ARHGEF3: variants seen among roughly 807,000 people sequenced by gnomAD.
ARHGEF3 encodes the protein 59.8 kDA protein.
In ARHGEF3, 28 loss-of-function variants were observed where a neutral mutation model predicts 63.2. The observed-to-expected ratio is 0.44, with a 90% CI of 0.33 to 0.61. ARHGEF3 has a LOEUF of 0.61. Among genes scored for constraint, ARHGEF3 ranks in the 20% least tolerant of loss-of-function variants. The probability of loss-of-function intolerance (pLI) is 0.03; values close to 1 mark genes in which losing one functional copy is unlikely to be tolerated. For synonymous variants in ARHGEF3, 266 were observed against 254.2 expected (o/e 1.05, Z -0.44); for missense variants, 533 against 659.3 (o/e 0.81, Z 2.10).
At chr3:56,984,511 A>C (rs1375295160) in intron 2 of ARHGEF3, among the ~76,000 whole-genome samples, 1 of 152,174 alleles carries the variant, frequency 6.6e-6, no homozygotes, top group Non-Finnish European at 1.5e-5. Context: ...TGAGGCAATG[A>C]TTATATTAAA....
At chr3:56,819,997 A>G (rs764757720) in intron 4 of ARHGEF3, among the ~76,000 whole-genome samples, 2 of 151,944 alleles carry the variant, frequency 1.3e-5, no homozygotes, top group African/African-American at 4.8e-5. Flanking sequence ...TTTTGTAGAC[A>G]TGGGGTTTCA....
intron 2 of ARHGEF3, among the ~76,000 whole-genome samples, chr3:56,967,151 C>A (rs1700534785): frequency 6.8e-6 from 1 of 146,988 alleles, no homozygotes; most frequent in South Asian, 2.1e-4. Context: ...GCATGAGCCA[C>A]CGCGCCCAGC....
At chr3:56,735,438 GA>G (rs1483143784) in intron 8 of ARHGEF3, among the ~76,000 whole-genome samples, 2 of 149,886 alleles carry the variant, frequency 1.3e-5, no homozygotes, top group South Asian at 4.2e-4. Flanking sequence ...TCTACCGGGT[GA>G]AAAAAAAACC....
intron 3 of ARHGEF3, among the ~76,000 whole-genome samples, chr3:56,891,321 A>C (rs1578773477): frequency 1.4e-5 from 2 of 143,224 alleles, no homozygotes; most frequent in African/African-American, 2.6e-5. Flanking sequence ...CCTGGCCCCT[A>C]CTCCATTTTT....
chr3:56,814,803 A>C (rs1162358697), intron 4 of ARHGEF3, among the ~76,000 whole-genome samples: 2 of 152,164 alleles, frequency 1.3e-5, no homozygotes, highest in Admixed American at 1.3e-4. Flanking sequence ...TATATAAAAG[A>C]AGCAGCAGAG....
chr3:56,911,902 C>T lies in ARHGEF3; in HGVS notation c.130-29548G>A, dbSNP rs546669701. ...GAGCTATGATCATGCCACTGCACTCCAGCCTGGGCGACAGAGCAAGACTGT... is the reference window on the plus strand; with the variant it reads ...GAGCTATGATCATGCCACTGCACTCTAGCCTGGGCGACAGAGCAAGACTGT... On this transcript the variant is annotated intron_variant, in intron 3 of 12. Transcript: ENST00000338458. Among the ~76,000 whole-genome samples the T allele has an allele frequency of 8.4e-4, 128 of 151,540 alleles. 3 individuals carry two copies. In the South Asian group the frequency reaches 0.023, roughly 27 times the overall value.
intron 2 of ARHGEF3, among the ~76,000 whole-genome samples, chr3:57,004,199 A>G (rs967868479): frequency 2.0e-5 from 3 of 152,246 alleles, no homozygotes; most frequent in African/African-American, 7.2e-5. Context: ...TGACCTTCCC[A>G]GCAGAATGTC....
At chr3:56,951,769 T>C (rs549773530) in intron 3 of ARHGEF3, among the ~76,000 whole-genome samples, 5 of 152,136 alleles carry the variant, frequency 3.3e-5, no homozygotes, top group African/African-American at 1.2e-4. Flanking sequence ...CCTCTGTATG[T>C]TAGAGGTTAG....
chr3:56,953,727 A>C (rs1017871315), intron 3 of ARHGEF3, among the ~76,000 whole-genome samples: 2 of 152,186 alleles, frequency 1.3e-5, no homozygotes, highest in African/African-American at 4.8e-5. Context: ...TCATAGATGG[A>C]TCCTGGAAGC....
chr3:56,737,236 G>A lies in ARHGEF3; in HGVS notation c.990C>T (p.Asp330=). The change falls in exon 8 of 10, where the codon GAC becomes GAT. Residue 330 remains aspartate, a synonymous_variant. Coordinates refer to ENST00000296315, the MANE Select transcript of ARHGEF3 (RefSeq NM_019555.3). Reference sequence around the variant, plus strand: ...CATGACAACACAAGACTCGAGAGCTGTCGATCAGGGAGTCTTTCTGGCCTT... The same window carrying A: ...CATGACAACACAAGACTCGAGAGCTATCGATCAGGGAGTCTTTCTGGCCTT... ...LEEGQKDSLI[D]SSRVLCCHGE... The A allele has an allele frequency of 6.2e-7, 1 of 1,614,114 alleles. No homozygotes were observed. Among genetic ancestry groups the A allele is most frequent in the Non-Finnish European group, 8.5e-7 (1 of 1,179,992 alleles).
At chr3:57,079,107 G>A (rs1030699022) in intron 1 of ARHGEF3, 2 of 337,392 alleles carry the variant, frequency 5.9e-6, no homozygotes, top group East Asian at 8.3e-5. Context: ...GCAAAGGAGG[G>A]ACTAGACCGG....
At chr3:57,068,176 C>CACAA (rs1262513868) in intron 1 of ARHGEF3, among the ~76,000 whole-genome samples, 1 of 151,682 alleles carries the variant, frequency 6.6e-6, no homozygotes, top group East Asian at 1.9e-4. Flanking sequence ...CATACACACA[C>CACAA]ACACACACAC....
At chr3:56,807,849 T>C (rs952908282) in intron 4 of ARHGEF3, among the ~76,000 whole-genome samples, 1 of 152,106 alleles carries the variant, frequency 6.6e-6, no homozygotes, top group Non-Finnish European at 1.5e-5. Flanking sequence ...CTGGGCTGGG[T>C]GCAGTGGCTC....
chr3:57,014,333 G>A (rs570133310), intron 2 of ARHGEF3, among the ~76,000 whole-genome samples: 1 of 152,142 alleles, frequency 6.6e-6, no homozygotes, highest in Non-Finnish European at 1.5e-5. Context: ...ACCGATTCTG[G>A]ACACAATAGT....
rs141603146 is a variant in ARHGEF3, at chr3:56,972,109, C to T, written c.63-13220G>A. Among the ~76,000 whole-genome samples, 17 of 152,122 alleles carry T rather than the reference C, an allele frequency of 1.1e-4. No homozygotes were observed. In the East Asian group the frequency reaches 1.4e-3, roughly 12 times the overall value. ...CACATTTCTGTGTGTTGGTCAGCTA[C>T]GATAAACACTTCTAGAACCAATTCA... On this transcript the variant is annotated intron_variant, in intron 2 of 12. Transcript: ENST00000338458.
At chr3:57,002,262 C>T (rs1307357181) in intron 2 of ARHGEF3, among the ~76,000 whole-genome samples, 1 of 150,524 alleles carries the variant, frequency 6.6e-6, no homozygotes, top group South Asian at 2.1e-4. Flanking sequence ...TATCATTAGT[C>T]AGTAGTATCA....
intron 1 of ARHGEF3, among the ~76,000 whole-genome samples, chr3:57,046,422 T>C (rs1704457103): frequency 6.6e-6 from 1 of 152,022 alleles, no homozygotes; most frequent in South Asian, 2.1e-4. Context: ...AAAACAAAAC[T>C]CTCTGGCTCA....
rs149969668 is a variant in ARHGEF3, at chr3:56,822,449, G to A, written c.193-48633C>T. Among the ~76,000 whole-genome samples the A allele has an allele frequency of 1.1e-3, 171 of 152,276 alleles. 1 individual carries two copies. Among genetic ancestry groups the A allele is most frequent in the African/African-American group, 3.9e-3 (162 of 41,528 alleles). On this transcript the variant is annotated intron_variant, in intron 4 of 12. Coordinates refer to the ARHGEF3 transcript ENST00000338458. ...TATACTGATGAAGCCAAGCAAAATG[G>A]GAACATGCTAAGTTAATGAAAAGCA...
At chr3:56,847,259 A>T (rs1407407215) in intron 4 of ARHGEF3, among the ~76,000 whole-genome samples, 3 of 152,228 alleles carry the variant, frequency 2.0e-5, no homozygotes, top group Non-Finnish European at 2.9e-5. Context: ...CACTCCATGA[A>T]AGCAGTTTCT....
Sources: allele counts gnomAD v4.1 joint callset (sites outside exome capture counted in the v4.1 genomes callset), GRCh38; gene constraint gnomAD v4.1.1; transcripts MANE v1.5; gene names NCBI Gene and HGNC (gene_info 2026-07-23, HGNC 2026-07-21).